GRM7: variants seen among roughly 807,000 people sequenced by gnomAD.
The protein encoded by GRM7 is metabotropic glutamate receptor 7.
GRM7 carries 35 observed loss-of-function variants against 84.5 expected under a neutral mutation model. The observed-to-expected ratio is 0.41, with a 90% CI of 0.32 to 0.55. The LOEUF is 0.55. Among genes scored for constraint, GRM7 ranks in the 20% least tolerant of loss-of-function variants. GRM7 has a pLI of 0.19. For synonymous variants in GRM7, 487 were observed against 455.1 expected (o/e 1.07, Z -0.89); for missense variants, 1,003 against 1,194.6 (o/e 0.84, Z 2.36).
chr3:7,029,328 C>CA (rs1239487786), intron 1 of GRM7, among the ~76,000 whole-genome samples: 1 of 140,054 alleles, frequency 7.1e-6, no homozygotes, highest in Non-Finnish European at 1.5e-5. Context: ...AAAAAAAAAA[C>CA]AAACAAAAAA....
chr3:6,941,924 C>T (rs943531866), intron 1 of GRM7, among the ~76,000 whole-genome samples: 3 of 151,972 alleles, frequency 2.0e-5, no homozygotes, highest in African/African-American at 4.8e-5. Flanking sequence ...TGACAAGTAC[C>T]GTTTTAGTCG....
chr3:7,321,033 T>C (rs1267756138), intron 4 of GRM7, among the ~76,000 whole-genome samples: 1 of 151,880 alleles, frequency 6.6e-6, no homozygotes, highest in Non-Finnish European at 1.5e-5. Flanking sequence ...ATCCTAGTGC[T>C]TTTTTCCATC....
intron 9 of GRM7, chr3:7,681,695 T>C (rs1700374076): frequency 6.6e-6 from 1 of 152,214 alleles, no homozygotes; most frequent in Non-Finnish European, 1.5e-5. Context: ...GGTGACTTGC[T>C]GTGGCATTCA....
Position 7,072,908 on chromosome 3 carries a change from A to C in GRM7, c.520-73544A>C, listed in dbSNP as rs574483541. Among the ~76,000 whole-genome samples, 9 of 152,282 alleles carry C rather than the reference A, an allele frequency of 5.9e-5. No individual in the cohort carries two copies. The South Asian group carries it at 1.5e-3, about 25-fold the overall frequency. On this transcript the variant is annotated intron_variant, in intron 1 of 9. Transcript: ENST00000357716. The stretch of plus-strand genomic sequence containing the variant: ...ATAGCCCCCAGGCTAAAGTCGTAAT[A>C]GATTCAGATCATGACATTGAGCACT...
intron 2 of GRM7, among the ~76,000 whole-genome samples, chr3:7,234,438 T>A (rs1005074106): frequency 6.6e-6 from 1 of 152,178 alleles, no homozygotes; most frequent in Admixed American, 6.5e-5. Flanking sequence ...CCCTAACCAG[T>A]AATAAAGTAT....
chr3:7,350,647 CT>C (rs1266437316), intron 4 of GRM7, among the ~76,000 whole-genome samples: 1 of 152,008 alleles, frequency 6.6e-6, no homozygotes, highest in Non-Finnish European at 1.5e-5. Context: ...TGCACTAATA[CT>C]TATAAAATTT....
At chr3:7,558,771 G>C (rs1025801344) in intron 7 of GRM7, among the ~76,000 whole-genome samples, 1 of 152,104 alleles carries the variant, frequency 6.6e-6, no homozygotes, top group South Asian at 2.1e-4. Flanking sequence ...GCTAAGTCTT[G>C]TGAATATTGT....
At chr3:7,645,310 A>T (rs558859159) in intron 8 of GRM7, among the ~76,000 whole-genome samples, 21 of 152,168 alleles carry the variant, frequency 1.4e-4, no homozygotes, top group South Asian at 8.3e-4. Context: ...GCACTTTGGG[A>T]GGCCAAGGCG....
chr3:7,371,115 T>C (rs1694112500), intron 4 of GRM7, among the ~76,000 whole-genome samples: 1 of 152,204 alleles, frequency 6.6e-6, no homozygotes, highest in South Asian at 2.1e-4. Flanking sequence ...GCCCAGGCTA[T>C]ATATTCTAAG....
At chr3:7,576,655 T>C (rs1188706094) in intron 7 of GRM7, among the ~76,000 whole-genome samples, 2 of 152,228 alleles carry the variant, frequency 1.3e-5, no homozygotes, top group Non-Finnish European at 2.9e-5. Context: ...TCTCAGACTT[T>C]CCAGTATCTT....
At chr3:7,570,789 T>G (rs1417589067) in intron 7 of GRM7, among the ~76,000 whole-genome samples, 5 of 152,230 alleles carry the variant, frequency 3.3e-5, no homozygotes, top group Admixed American at 3.3e-4. Flanking sequence ...CACATTTCCC[T>G]TCCGCACTGC....
intron 1 of GRM7, among the ~76,000 whole-genome samples, chr3:7,105,637 T>G (rs1699266733): frequency 6.6e-6 from 1 of 151,968 alleles, no homozygotes; most frequent in Admixed American, 6.6e-5. Context: ...TTAATGATTC[T>G]TATTTATTGT....
intron 1 of GRM7, among the ~76,000 whole-genome samples, chr3:6,911,090 G>A (rs59433483): frequency 0.08 from 12,096 of 152,068 alleles, 739 homozygotes; most frequent in East Asian, 0.2. Context: ...CCTCATAGGA[G>A]CTTCTAATCA....
chr3:7,704,666 T>C (rs929910233), intron 9 of GRM7, among the ~76,000 whole-genome samples: 3 of 152,150 alleles, frequency 2.0e-5, no homozygotes, highest in Admixed American at 2.0e-4. Context: ...GGTACATCAG[T>C]TACAATAGAA....
chr3:6,977,259 G>C (rs55933143), intron 1 of GRM7, among the ~76,000 whole-genome samples: 3,656 of 152,166 alleles, frequency 0.024, 54 homozygotes, highest in African/African-American at 0.039. Context: ...AAAAACGAGA[G>C]TGCTTTCAGT....
At chr3:7,714,751 A>G (rs1701713958) in intron 9 of GRM7, among the ~76,000 whole-genome samples, 1 of 152,226 alleles carries the variant, frequency 6.6e-6, no homozygotes, top group African/African-American at 2.4e-5. Flanking sequence ...TCCTCTATCC[A>G]AGAACAGTTT....
chr3:7,290,455 T>A (rs1157519380), intron 2 of GRM7, among the ~76,000 whole-genome samples: 1 of 152,216 alleles, frequency 6.6e-6, no homozygotes, highest in Non-Finnish European at 1.5e-5. Flanking sequence ...GTGCCTGAGA[T>A]AAAATGATAA....
intron 1 of GRM7, among the ~76,000 whole-genome samples, chr3:7,009,586 A>G (rs1419029894): frequency 6.6e-6 from 1 of 152,112 alleles, no homozygotes; most frequent in East Asian, 1.9e-4. Flanking sequence ...AGAAAGTCCT[A>G]CTCCTTTGAA....
intron 1 of GRM7, among the ~76,000 whole-genome samples, chr3:7,029,332 C>CA (rs904536285): frequency 3.0e-5 from 4 of 133,938 alleles, no homozygotes; most frequent in South Asian, 4.8e-4. Flanking sequence ...AAAAAACAAA[C>CA]AAAAAAAACA....
Sources: allele counts gnomAD v4.1 joint callset (sites outside exome capture counted in the v4.1 genomes callset), GRCh38; gene constraint gnomAD v4.1.1; transcripts MANE v1.5; gene names NCBI Gene and HGNC (gene_info 2026-07-23, HGNC 2026-07-21).